ORC5: variants seen among roughly 807,000 people sequenced by gnomAD.
ORC5 encodes protein phosphatase 1, regulatory subunit 117.
A neutral mutation model predicts 58.8 loss-of-function variants in ORC5; 39 were observed. That is an observed-to-expected ratio of 0.66 (90% CI 0.51 to 0.87). The LOEUF (loss-of-function observed/expected upper bound fraction) is 0.87. Among genes scored for constraint, ORC5 ranks in the 40% least tolerant of loss-of-function variants. The pLI, the probability that ORC5 is intolerant of heterozygous loss-of-function variation, is 0.00. For synonymous variants in ORC5, 218 were observed against 177.6 expected (o/e 1.23, Z -1.81); for missense variants, 493 against 506.3 (o/e 0.97, Z 0.25).
chr7:104,190,628 ACAGGAATCAATT>A (rs2116022386), intron 5 of ORC5, among the ~76,000 whole-genome samples: 1 of 152,258 alleles, frequency 6.6e-6, no homozygotes, highest in Non-Finnish European at 1.5e-5. Flanking sequence ...CAGTCATAAT[ACAGGAATCAATT>A]AGTCATTCAT....
chr7:104,204,301 T>C, intron 1 of ORC5, 67 bp from the exon 2 acceptor site: 1 of 916,298 alleles, frequency 1.1e-6, no homozygotes, highest in Non-Finnish European at 1.7e-6. Context: ...TATCAACTTG[T>C]GAGAAAGTTG....
intron 5 of ORC5, among the ~76,000 whole-genome samples, chr7:104,194,272 G>A (rs1799746760): frequency 6.6e-6 from 1 of 151,918 alleles, no homozygotes; most frequent in Non-Finnish European, 1.5e-5. Flanking sequence ...TTTCACTGCT[G>A]TTCTGGTGGA....
At chr7:104,173,622 C>T (rs1316287925) in intron 8 of ORC5, among the ~76,000 whole-genome samples, 1 of 152,178 alleles carries the variant, frequency 6.6e-6, no homozygotes, top group African/African-American at 2.4e-5. Context: ...TCATTAAGGG[C>T]ACCTTAATAA....
At chr7:104,161,901 A>G (rs527893688) in intron 11 of ORC5, among the ~76,000 whole-genome samples, 2 of 152,186 alleles carry the variant, frequency 1.3e-5, no homozygotes, top group Non-Finnish European at 2.9e-5. Flanking sequence ...ATTTCTCACA[A>G]TTCCTCTTTG....
chr7:104,145,928 T>C (rs894760593), intron 12 of ORC5, among the ~76,000 whole-genome samples: 1 of 152,150 alleles, frequency 6.6e-6, no homozygotes, highest in Non-Finnish European at 1.5e-5. Flanking sequence ...CAATTCTATA[T>C]CTAGCAAAAC....
At chr7:104,127,362 T>C (rs1447481439) in intron 13 of ORC5, among the ~76,000 whole-genome samples, 1 of 152,238 alleles carries the variant, frequency 6.6e-6, no homozygotes. Context: ...TTCAGTCTTT[T>C]AACGCTGGCT....
intron 8 of ORC5, among the ~76,000 whole-genome samples, chr7:104,182,294 C>G (rs921315913): frequency 6.6e-6 from 1 of 152,186 alleles, no homozygotes; most frequent in Admixed American, 6.5e-5. Flanking sequence ...TTGACAGTTT[C>G]ATGATAGAAA....
intron 2 of ORC5, among the ~76,000 whole-genome samples, chr7:104,201,171 A>C (rs1489619276): frequency 6.6e-6 from 1 of 152,134 alleles, no homozygotes; most frequent in African/African-American, 2.4e-5. Flanking sequence ...CCAGCAGGAG[A>C]CTAAGGGAGA....
intron 5 of ORC5, 34 bp downstream of exon 5, chr7:104,195,109 A>C (rs780992170): frequency 5.6e-6 from 6 of 1,079,682 alleles, no homozygotes; most frequent in Admixed American, 2.4e-5. Flanking sequence ...ATTCTCCTGC[A>C]TATCATTTGC....
intron 12 of ORC5, among the ~76,000 whole-genome samples, chr7:104,140,580 G>A (rs192944301): frequency 1.3e-5 from 2 of 152,250 alleles, no homozygotes; most frequent in East Asian, 3.9e-4. Context: ...GAAATTTGTT[G>A]AGGCAGCTAG....
intron 12 of ORC5, among the ~76,000 whole-genome samples, chr7:104,149,229 G>T (rs781165124): frequency 6.6e-6 from 1 of 151,920 alleles, no homozygotes; most frequent in Admixed American, 6.6e-5. Flanking sequence ...GTAATGAAAA[G>T]GTCTTTTTCT....
At chr7:104,185,004 T>G (rs10251561) in intron 6 of ORC5, among the ~76,000 whole-genome samples, 15,347 of 151,966 alleles carry the variant, frequency 0.1, 2,566 homozygotes, top group African/African-American at 0.35. Context: ...CCTCAGGATG[T>G]CATAAAAATT....
intron 12 of ORC5, among the ~76,000 whole-genome samples, chr7:104,147,351 T>TA (rs1476153653): frequency 5.3e-5 from 8 of 152,226 alleles, no homozygotes. Context: ...AGTATTGCTA[T>TA]ATAAATCCCA....
In ORC5 at chr7:104,136,929, T is replaced by C; in HGVS notation, c.1150-36A>G. ...ACATTTTTATAAGAAACTGTTTTAA[T>C]AAGATTATGTAATACTTTTGTTTCT... On this transcript the variant is annotated intron_variant, in intron 12 of 13. Coordinates refer to ENST00000297431, the MANE Select transcript of ORC5 (RefSeq NM_002553.4). The surrounding 1 kb of genome is among the most constrained non-coding windows in gnomAD (Gnocchi z 4.2). 7.4e-7 allele frequency: 1 copy of C among 1,349,882 alleles called. No individual in the cohort carries two copies. The highest frequency in any genetic ancestry group is 1.1e-6 in the Non-Finnish European group (1 of 940,776). 83.6% of individuals were successfully genotyped at this position (1,349,882 alleles called of 1,614,324 possible). A position where few individuals can be genotyped will look rare whatever the true frequency, so the allele number is the denominator to read the frequency against.
chr7:104,138,817 T>C lies in ORC5; in HGVS notation c.1150-1924A>G, dbSNP rs990184672. 6.6e-6 allele frequency among the ~76,000 whole-genome samples: 1 copy of C among 152,202 alleles called. No individual in the cohort carries two copies. Among genetic ancestry groups the C allele is most frequent in the Non-Finnish European group, 1.5e-5 (1 of 68,036 alleles). On this transcript the variant is annotated intron_variant, in intron 12 of 13. Coordinates refer to ENST00000297431, the MANE Select transcript of ORC5 (RefSeq NM_002553.4). The surrounding 1 kb of genome is among the most constrained non-coding windows in gnomAD (Gnocchi z 4.7). ...TGAGCCCCCGCACCCAACCATTGCTTTAAAACTTATTGCTGATCGTGTACT... is the reference window on the plus strand; with the variant it reads ...TGAGCCCCCGCACCCAACCATTGCTCTAAAACTTATTGCTGATCGTGTACT...
chr7:104,151,786 G>A (rs1469786028), intron 12 of ORC5, among the ~76,000 whole-genome samples: 1 of 152,180 alleles, frequency 6.6e-6, no homozygotes, highest in African/African-American at 2.4e-5. Context: ...CAGAGCACTA[G>A]CGCCAAGGGA....
intron 4 of ORC5, among the ~76,000 whole-genome samples, chr7:104,197,475 A>G (rs1053599966): frequency 6.6e-6 from 1 of 152,218 alleles, no homozygotes; most frequent in Non-Finnish European, 1.5e-5. Flanking sequence ...AGCAACATCT[A>G]AAACTTTTAA....
At chr7:104,173,908 G>C (rs1035587583) in intron 8 of ORC5, among the ~76,000 whole-genome samples, 1 of 148,266 alleles carries the variant, frequency 6.7e-6, no homozygotes, top group South Asian at 2.2e-4. Flanking sequence ...GCAGTGGCGG[G>C]ATCTCGGCTC....
intron 5 of ORC5, among the ~76,000 whole-genome samples, chr7:104,191,608 G>A (rs1483866208): frequency 6.6e-6 from 1 of 152,026 alleles, no homozygotes; most frequent in Non-Finnish European, 1.5e-5. Context: ...CTGTGTTGCT[G>A]TAAAAGTAAC....
Sources: allele counts gnomAD v4.1 joint callset (sites outside exome capture counted in the v4.1 genomes callset), GRCh38; gene constraint gnomAD v4.1.1; non-coding constraint Gnocchi (gnomAD v3.1); transcripts MANE v1.5; gene names NCBI Gene and HGNC (gene_info 2026-07-23, HGNC 2026-07-21).